CAMTA1: variants seen among roughly 807,000 people sequenced by gnomAD.
CAMTA1 encodes the protein calmodulin-binding transcription activator 1.
Under a neutral mutation model 170.9 loss-of-function variants are expected in CAMTA1, and 27 were observed. The ratio of observed to expected loss-of-function variants is 0.16; its 90% CI spans 0.12 to 0.22. The LOEUF (loss-of-function observed/expected upper bound fraction) is 0.22, where lower values mean the gene tolerates loss of function less well. Among genes scored for constraint, CAMTA1 ranks in the 10% least tolerant of loss-of-function variants. The probability of loss-of-function intolerance (pLI) is 1.00; values close to 1 mark genes in which losing one functional copy is unlikely to be tolerated. For missense variants in CAMTA1, 1,619 were observed against 2,217.2 expected, an observed-to-expected ratio of 0.73 and a Z score of 5.42; for synonymous variants, 833 against 891.5, an observed-to-expected ratio of 0.93 and a Z score of 1.17.
chr1:7,414,627 T>C (rs1350477239), intron 5 of CAMTA1, among the ~76,000 whole-genome samples: 6 of 152,104 alleles, frequency 3.9e-5, no homozygotes, highest in South Asian at 2.1e-4. Context: ...TTTTTTATTG[T>C]GTCTGTTTGA....
At chr1:6,992,318 T>C (rs1696516109) in intron 3 of CAMTA1, among the ~76,000 whole-genome samples, 1 of 151,982 alleles carries the variant, frequency 6.6e-6, no homozygotes, top group Non-Finnish European at 1.5e-5. Context: ...GTGATCTACC[T>C]GCCTCAGCCT....
At chr1:7,163,487 C>T (rs1262054964) in intron 4 of CAMTA1, among the ~76,000 whole-genome samples, 3 of 152,006 alleles carry the variant, frequency 2.0e-5, no homozygotes, top group Non-Finnish European at 2.9e-5. Context: ...TGATGGGAAG[C>T]GAGGGACGGC....
chr1:7,439,080 G>A (rs370349852), intron 5 of CAMTA1, among the ~76,000 whole-genome samples: 4 of 152,276 alleles, frequency 2.6e-5, no homozygotes, highest in South Asian at 2.1e-4. Context: ...GCAGGTGGTC[G>A]GTGGGGGGCT....
At position 7,588,739 on chromosome 1, in the gene CAMTA1, C is replaced by A. The variant is rs377556804; in HGVS notation, c.511-51661C>A. Reference sequence around the variant, plus strand: ...GCCAGTGAGGTACCTGCCCCTGGAGCGGGACCAACAGCTCCAGGCAGGAGA... The same window carrying A: ...GCCAGTGAGGTACCTGCCCCTGGAGAGGGACCAACAGCTCCAGGCAGGAGA... On this transcript the variant is annotated intron_variant, in intron 6 of 22. Transcript: ENST00000303635. This position sits in a 1 kb window ranked among gnomAD's most constrained non-coding sequence, Gnocchi z 5.8. 1.3e-5 allele frequency among the ~76,000 whole-genome samples: 2 copies of A among 152,260 alleles called. No homozygotes were observed. The highest frequency in any genetic ancestry group is 2.1e-4 in the South Asian group (1 of 4,824).
At chr1:7,353,549 C>T (rs1156957116) in intron 5 of CAMTA1, among the ~76,000 whole-genome samples, 4 of 151,728 alleles carry the variant, frequency 2.6e-5, no homozygotes, top group East Asian at 1.9e-4. Context: ...CTTAGCCTCC[C>T]GAGTAGCTGG....
At chr1:7,298,317 G>A (rs1365858102) in intron 5 of CAMTA1, among the ~76,000 whole-genome samples, 1 of 56,188 alleles carries the variant, frequency 1.8e-5, no homozygotes, top group Non-Finnish European at 3.3e-5. Flanking sequence ...AGAGATGCAT[G>A]ATCCACCCCC....
At chr1:7,264,042 G>GGTCA (rs1337949914) in intron 5 of CAMTA1, among the ~76,000 whole-genome samples, 1 of 152,202 alleles carries the variant, frequency 6.6e-6, no homozygotes, top group African/African-American at 2.4e-5. Flanking sequence ...TGAACTTGGG[G>GGTCA]GTCAGCTCAG....
At chr1:7,229,194 G>C (rs545502400) in intron 4 of CAMTA1, among the ~76,000 whole-genome samples, 2 of 151,764 alleles carry the variant, frequency 1.3e-5, no homozygotes, top group East Asian at 4.0e-4. Flanking sequence ...AGGGGACAGG[G>C]GTTGCTGTCC....
At position 7,580,575 on chromosome 1, in the gene CAMTA1, A is replaced by G. The variant is rs971498233; in HGVS notation, c.511-59825A>G. On this transcript the variant is annotated intron_variant, in intron 6 of 22. Coordinates refer to ENST00000303635, the MANE Select transcript of CAMTA1 (RefSeq NM_015215.4). This position sits in a 1 kb window ranked among gnomAD's most constrained non-coding sequence, Gnocchi z 4.3. ...CCCGCACATGGAGGAACCACTAACAAGTGCCAAGCCCTCCCACGTTTGGGG... is the reference window on the plus strand; with the variant it reads ...CCCGCACATGGAGGAACCACTAACAGGTGCCAAGCCCTCCCACGTTTGGGG... Among the ~76,000 whole-genome samples the G allele has an allele frequency of 6.6e-6, 1 of 151,846 alleles. No individual in the cohort carries two copies. Among genetic ancestry groups the G allele is most frequent in the African/African-American group, 2.4e-5 (1 of 41,318 alleles).
intron 3 of CAMTA1, among the ~76,000 whole-genome samples, chr1:6,929,358 T>A (rs1240357305): frequency 1.3e-5 from 2 of 151,492 alleles, no homozygotes; most frequent in Non-Finnish European, 2.9e-5. Context: ...TTTTTTTTTT[T>A]TGTTTGTTTG....
intron 19 of CAMTA1, among the ~76,000 whole-genome samples, chr1:7,750,401 A>C (rs774726605): frequency 4.6e-5 from 7 of 152,226 alleles, no homozygotes; most frequent in Non-Finnish European, 8.8e-5. Flanking sequence ...CTTCATTGCA[A>C]CTTCTCATCC....
At chr1:7,488,844 GATATACACATACAT>G (rs1406798792) in intron 6 of CAMTA1, among the ~76,000 whole-genome samples, 1 of 151,964 alleles carries the variant, frequency 6.6e-6, no homozygotes, top group Non-Finnish European at 1.5e-5. Context: ...ATATGCACAT[GATATACACATACAT>G]ATATACACAC....
intron 3 of CAMTA1, among the ~76,000 whole-genome samples, chr1:7,011,135 C>T (rs72638593): frequency 0.082 from 12,556 of 152,304 alleles, 630 homozygotes; most frequent in Middle Eastern, 0.17. Context: ...CCACTGCAGA[C>T]TTGGTGGCTG....
At chr1:6,833,053 T>C (rs765816186) in intron 3 of CAMTA1, among the ~76,000 whole-genome samples, 44 of 152,108 alleles carry the variant, frequency 2.9e-4, no homozygotes, top group Non-Finnish European at 3.8e-4. Flanking sequence ...CTCCACAGGA[T>C]ATATTGAAAA....
chr1:6,992,871 C>A (rs1356930191), intron 3 of CAMTA1, among the ~76,000 whole-genome samples: 1 of 152,206 alleles, frequency 6.6e-6, no homozygotes, highest in African/African-American at 2.4e-5. Flanking sequence ...AGACACAAAT[C>A]CCAACCATGT....
chr1:7,300,846 T>C lies in CAMTA1; in HGVS notation c.438+51220T>C, dbSNP rs1357781025. ...TTTATTTCCATAGTCTGTGTTGCACTCAAAGTAAATATTAATTCCATTATG... is the reference window on the plus strand; with the variant it reads ...TTTATTTCCATAGTCTGTGTTGCACCCAAAGTAAATATTAATTCCATTATG... On this transcript the variant is annotated intron_variant, in intron 5 of 22. Transcript: ENST00000303635. This position sits in a 1 kb window ranked among gnomAD's most constrained non-coding sequence, Gnocchi z 4.1. Among the ~76,000 whole-genome samples, 1 of 152,246 alleles carries C rather than the reference T, an allele frequency of 6.6e-6. No homozygotes were observed. Among genetic ancestry groups the C allele is most frequent in the Non-Finnish European group, 1.5e-5 (1 of 68,050 alleles).
chr1:6,810,781 G>T (rs987202911), intron 1 of CAMTA1, among the ~76,000 whole-genome samples: 2 of 152,074 alleles, frequency 1.3e-5, no homozygotes, highest in Non-Finnish European at 2.9e-5. Flanking sequence ...TCCAGTCTGG[G>T]TGACAGAGCG....
At chr1:7,500,068 AGTGT>A (rs142112568) in intron 6 of CAMTA1, among the ~76,000 whole-genome samples, 8 of 114,760 alleles carry the variant, frequency 7.0e-5, no homozygotes, top group African/African-American at 2.8e-4. Flanking sequence ...TACGTATATG[AGTGT>A]GTGTGTGCAT....
chr1:6,910,979 T>G (rs1206950467), intron 3 of CAMTA1, among the ~76,000 whole-genome samples: 1 of 152,220 alleles, frequency 6.6e-6, no homozygotes, highest in Non-Finnish European at 1.5e-5. Context: ...ATTGCTCGCG[T>G]CCAGGATGTC....
Sources: gnomAD v4.1 joint callset for allele counts (sites outside exome capture counted in the v4.1 genomes callset) on GRCh38, gnomAD v4.1.1 for gene constraint, Gnocchi (gnomAD v3.1) non-coding constraint, MANE v1.5 for transcripts, NCBI Gene and HGNC (gene_info 2026-07-23, HGNC 2026-07-21) for gene names.